GNG7: variants seen among roughly 807,000 people sequenced by gnomAD.
GNG7 encodes the protein G protein subunit gamma 7, also known as guanine nucleotide-binding protein G(I)/G(S)/G(O) subunit gamma-7.
Under a neutral mutation model 4.0 loss-of-function variants are expected in GNG7, and 1 was observed. The ratio of observed to expected loss-of-function variants is 0.25; its 90% CI spans 0.09 to 1.18. The LOEUF (loss-of-function observed/expected upper bound fraction) is 1.18. Ranked by LOEUF, GNG7 falls within the 50% of genes most tolerant of loss-of-function variation. GNG7 has a pLI of 0.50. For synonymous variants in GNG7, 34 were observed against 36.9 expected, an observed-to-expected ratio of 0.92 and a Z score of 0.29; for missense variants, 86 against 91.9, an observed-to-expected ratio of 0.94 and a Z score of 0.26.
chr19:2,686,463 C>T (rs11878180), intron 1 of GNG7, among the ~76,000 whole-genome samples: 2 of 151,626 alleles, frequency 1.3e-5, no homozygotes, highest in South Asian at 2.1e-4. Context: ...CGGCCTCCCC[C>T]CTCCTTTTTA....
Position 2,557,330 on chromosome 19 carries a change from C to G in GNG7, c.-77-2142G>C, listed in dbSNP as rs1979594255. On this transcript the variant is annotated intron_variant, in intron 2 of 4. Coordinates refer to ENST00000382159, the MANE Select transcript of GNG7 (RefSeq NM_052847.3). The surrounding 1 kb of genome is among the most constrained non-coding windows in gnomAD (Gnocchi z 5.1). The stretch of plus-strand genomic sequence containing the variant: ...ACACGCACAGACACACATGTGCACA[C>G]AGACACACACATGTGCACACACACA... 6.7e-6 allele frequency among the ~76,000 whole-genome samples: 1 copy of G among 148,460 alleles called. No homozygotes were observed. The highest frequency in any genetic ancestry group is 1.5e-5 in the Non-Finnish European group (1 of 66,646).
At chr19:2,628,597 A>G (rs2144839878) in intron 2 of GNG7, among the ~76,000 whole-genome samples, 1 of 149,964 alleles carries the variant, frequency 6.7e-6, no homozygotes, top group African/African-American at 2.5e-5. Context: ...TGTTAAGTAT[A>G]CTCACACTGC....
chr19:2,651,799 C>T (rs1427892192), intron 1 of GNG7, among the ~76,000 whole-genome samples: 1 of 151,806 alleles, frequency 6.6e-6, no homozygotes, highest in Non-Finnish European at 1.5e-5. Flanking sequence ...TTCCTGGGCT[C>T]AGGCAATCCA....
chr19:2,617,381 C>T lies in GNG7; in HGVS notation c.-78+28843G>A, dbSNP rs560418585. On this transcript the variant is annotated intron_variant, in intron 2 of 4. Transcript: ENST00000382159. This position sits in a 1 kb window ranked among gnomAD's most constrained non-coding sequence, Gnocchi z 4.7. ...GCCCAGCCCTGCAGCTCTGACCCTG[C>T]CTTGGGCTGTGAGCTCTGAGGACCC... is the stretch of plus-strand genomic sequence containing the variant. Among the ~76,000 whole-genome samples, 392 of 152,326 alleles carry T rather than the reference C, an allele frequency of 2.6e-3. No homozygotes were observed. The highest frequency in any genetic ancestry group is 9.0e-3 in the African/African-American group (374 of 41,580).
At chr19:2,596,697 C>G (rs535472208) in intron 2 of GNG7, among the ~76,000 whole-genome samples, 2 of 146,798 alleles carry the variant, frequency 1.4e-5, no homozygotes, top group African/African-American at 2.5e-5. Flanking sequence ...GGGCAAATAT[C>G]GACCCAGTTG....
intron 2 of GNG7, among the ~76,000 whole-genome samples, chr19:2,641,421 G>A (rs1398409450): frequency 1.3e-5 from 2 of 152,136 alleles, no homozygotes; most frequent in Non-Finnish European, 2.9e-5. Flanking sequence ...GGGCCCCAAT[G>A]TCCTCATAGC....
chr19:2,511,763 C>T lies in GNG7; in HGVS notation c.*3259G>A. On this transcript the variant is annotated 3_prime_UTR_variant, in exon 5 of 5. Transcript: ENST00000382159. This position sits in a 1 kb window ranked among gnomAD's most constrained non-coding sequence, Gnocchi z 6.3. ...AGAAGGAGGGAAACAGGAGCACCTT[C>T]CGCCCTGGCCCAGCCGCCCCGTTTA... 1.0e-6 allele frequency: 1 copy of T among 976,156 alleles called. No homozygotes were observed. Among genetic ancestry groups the T allele is most frequent in the Non-Finnish European group, 1.2e-6 (1 of 821,054 alleles). The allele number at this position is 976,156 out of a possible 1,614,324, so 60.5% of individuals were successfully genotyped here. A position where few individuals can be genotyped will look rare whatever the true frequency, so the allele number is the denominator to read the frequency against.
At chr19:2,684,120 G>C (rs892737164) in intron 1 of GNG7, among the ~76,000 whole-genome samples, 16 of 149,920 alleles carry the variant, frequency 1.1e-4, no homozygotes, top group African/African-American at 3.9e-4. Context: ...TCAGGAGTTC[G>C]AGACCAGCCT....
chr19:2,630,129 A>C (rs1166381189), intron 2 of GNG7, among the ~76,000 whole-genome samples: 2 of 151,990 alleles, frequency 1.3e-5, no homozygotes, highest in Non-Finnish European at 2.9e-5. Flanking sequence ...CCTCTCCCCA[A>C]AGACCTGGCA....
chr19:2,529,975 A>G (rs1978531286), intron 3 of GNG7, among the ~76,000 whole-genome samples: 1 of 152,238 alleles, frequency 6.6e-6, no homozygotes, highest in African/African-American at 2.4e-5. Context: ...TGTGGCTCCA[A>G]GATCAAGAGG....
intron 2 of GNG7, among the ~76,000 whole-genome samples, chr19:2,576,156 G>A (rs1339771513): frequency 1.3e-5 from 2 of 152,256 alleles, no homozygotes; most frequent in Non-Finnish European, 2.9e-5. Flanking sequence ...GCACGGGCAC[G>A]TGCTCCCAGA....
intron 2 of GNG7, among the ~76,000 whole-genome samples, chr19:2,638,451 GAGGGGGAGGGAAAGGGGAGGGGA>G (rs1982381908): frequency 2.6e-5 from 1 of 38,056 alleles, no homozygotes; most frequent in Non-Finnish European, 5.6e-5. Context: ...AGGGGGAGGG[GAGGGGGAGGGAAAGGGGAGGGGA>G]AGGGGAGGGG....
At chr19:2,568,723 TAC>T (rs1468026620) in intron 2 of GNG7, among the ~76,000 whole-genome samples, 2 of 131,026 alleles carry the variant, frequency 1.5e-5, no homozygotes, top group African/African-American at 5.1e-5. Context: ...CATATACACA[TAC>T]AGACACATAT....
chr19:2,585,687 C>T (rs1980650170), intron 2 of GNG7, among the ~76,000 whole-genome samples: 1 of 152,132 alleles, frequency 6.6e-6, no homozygotes, highest in Admixed American at 6.5e-5. Context: ...AATTCACCCT[C>T]ATAAAGTGTA....
intron 1 of GNG7, among the ~76,000 whole-genome samples, chr19:2,687,077 A>G (rs1305051339): frequency 7.5e-6 from 1 of 132,558 alleles, no homozygotes; most frequent in Non-Finnish European, 1.6e-5. Flanking sequence ...TTTTTTTTTG[A>G]GACAAGGTCT....
At position 2,532,156 on chromosome 19, in the gene GNG7, A is replaced by AAAC. The variant is rs1241770802; in HGVS notation, c.-37-11432_-37-11431insGTT. On this transcript the variant is annotated intron_variant, in intron 3 of 4. Transcript: ENST00000382159. ...AAAGAACGAGACTCCGTCTCAAAAAAAAAAACAAAAAAAAAAACAAAAACC... is the reference window on the plus strand; with the variant it reads ...AAAGAACGAGACTCCGTCTCAAAAAAAACAAAAACAAAAAAAAAAACAAAAACC... Among the ~76,000 whole-genome samples, 5 of 42,180 alleles carry AAAC rather than the reference A, an allele frequency of 1.2e-4. No homozygotes were observed. The East Asian group carries it at 5.6e-3, about 47-fold the overall frequency. 27.7% of individuals were successfully genotyped at this position (42,180 alleles called of 152,430 possible).
chr19:2,656,709 G>A (rs890117304), intron 1 of GNG7, among the ~76,000 whole-genome samples: 5 of 152,274 alleles, frequency 3.3e-5, no homozygotes, highest in Non-Finnish European at 5.9e-5. Flanking sequence ...GCACACAGCC[G>A]TGCGTGTTCA....
At position 2,580,295 on chromosome 19, in the gene GNG7, T is replaced by A. The variant is rs1435764259; in HGVS notation, c.-77-25107A>T. On this transcript the variant is annotated intron_variant, in intron 2 of 4. Transcript: ENST00000382159. The stretch of plus-strand genomic sequence containing the variant: ...CTCTCTGTCTGGTTCTATTTTTTTT[T>A]TTTTTTTTTTTTTGAGGCTGAGTCT... Among the ~76,000 whole-genome samples, 7 of 63,362 alleles carry A rather than the reference T, an allele frequency of 1.1e-4. No homozygotes were observed. In the South Asian group the frequency reaches 2.9e-3, roughly 26 times the overall value. The allele number at this position is 63,362 out of a possible 152,430, so 41.6% of individuals were successfully genotyped here. A position where few individuals can be genotyped will look rare whatever the true frequency, so the allele number is the denominator to read the frequency against.
At chr19:2,659,136 A>AT (rs1378314998) in intron 1 of GNG7, among the ~76,000 whole-genome samples, 5 of 151,790 alleles carry the variant, frequency 3.3e-5, no homozygotes, top group Admixed American at 6.6e-5. Flanking sequence ...CACCTGGCTA[A>AT]TTTTTTGTAT....
Sources: gnomAD v4.1 joint callset for allele counts (sites outside exome capture counted in the v4.1 genomes callset) on GRCh38, gnomAD v4.1.1 for gene constraint, Gnocchi (gnomAD v3.1) non-coding constraint, MANE v1.5 for transcripts, NCBI Gene and HGNC (gene_info 2026-07-23, HGNC 2026-07-21) for gene names.